The following RYK variants were observed in gnomAD, a reference collection of about 807,000 sequenced individuals.
RYK encodes inactive tyrosine-protein kinase RYK.
RYK carries 21 observed loss-of-function variants against 70.2 expected under a neutral mutation model. The ratio of observed to expected loss-of-function variants is 0.30; its 90% CI spans 0.21 to 0.43. The LOEUF is 0.43. RYK is among the 20% of genes least tolerant of loss of function. The probability of loss-of-function intolerance (pLI) is 1.00; values close to 1 mark genes in which losing one functional copy is unlikely to be tolerated. For synonymous variants in RYK, 267 were observed against 278.0 expected, an observed-to-expected ratio of 0.96 and a Z score of 0.39; for missense variants, 604 against 753.3, an observed-to-expected ratio of 0.80 and a Z score of 2.32.
chr3:134,193,335 C>T (rs1356661833), intron 7 of RYK, among the ~76,000 whole-genome samples: 22 of 152,134 alleles, frequency 1.4e-4, no homozygotes, highest in African/African-American at 3.9e-4. Flanking sequence ...AGGCGCGAGC[C>T]ACCACACCCA....
At chr3:134,172,780 G>C (rs1046833188) in intron 13 of RYK, among the ~76,000 whole-genome samples, 4 of 152,082 alleles carry the variant, frequency 2.6e-5, no homozygotes, top group African/African-American at 9.7e-5. Context: ...TTTATCATCA[G>C]AGCTCTGGAA....
At chr3:134,190,081 G>A (rs1016905976) in intron 8 of RYK, among the ~76,000 whole-genome samples, 2 of 152,192 alleles carry the variant, frequency 1.3e-5, no homozygotes, top group Non-Finnish European at 2.9e-5. Flanking sequence ...TGTATCATCA[G>A]GTTTCACTGT....
rs140565082 is a variant in RYK at position 134,162,045 on chromosome 3, G to A, written c.1576-2672C>T. On this transcript the variant is annotated intron_variant, in intron 13 of 14. Coordinates refer to ENST00000623711, the MANE Select transcript of RYK (RefSeq NM_002958.4). ...GGAAGCCCCTGGTGTGTCTTGGTTT[G>A]CAGCTGCAGCCCTGCAGTCCCTGCC... Among the ~76,000 whole-genome samples, 19 of 152,262 alleles carry A rather than the reference G, an allele frequency of 1.2e-4. 2 individuals carry two copies. In the East Asian group the frequency reaches 3.5e-3, roughly 28 times the overall value.
intron 13 of RYK, among the ~76,000 whole-genome samples, chr3:134,162,319 G>C (rs1205349587): frequency 6.6e-6 from 1 of 151,586 alleles, no homozygotes; most frequent in African/African-American, 2.4e-5. Context: ...GAACACAGAG[G>C]AAGGAATATA....
chr3:134,240,268 C>A (rs2015291015), intron 1 of RYK, among the ~76,000 whole-genome samples: 1 of 151,950 alleles, frequency 6.6e-6, no homozygotes, highest in South Asian at 2.1e-4. Flanking sequence ...AGAGTGAGGG[C>A]AAATGAGTGG....
chr3:134,218,991 A>C (rs1320413995), intron 2 of RYK, among the ~76,000 whole-genome samples: 1 of 152,224 alleles, frequency 6.6e-6, no homozygotes, highest in African/African-American at 2.4e-5. Context: ...CCCTCCAAAA[A>C]AAATCAGGAA....
At chr3:134,175,529 A>G (rs1560003291) in intron 13 of RYK, 80 bp downstream of exon 13, 2 of 1,515,626 alleles carry the variant, frequency 1.3e-6, no homozygotes, top group Non-Finnish European at 1.8e-6. Context: ...TTAAAAACCC[A>G]AAAGATAAAA....
intron 1 of RYK, among the ~76,000 whole-genome samples, chr3:134,231,791 G>A (rs1403967472): frequency 6.6e-6 from 1 of 152,080 alleles, no homozygotes; most frequent in Admixed American, 6.6e-5. Context: ...CCAAAGTTCT[G>A]TTTCTTTACA....
At chr3:134,231,877 C>T (rs1179610411) in intron 1 of RYK, among the ~76,000 whole-genome samples, 1 of 152,096 alleles carries the variant, frequency 6.6e-6, no homozygotes, top group Non-Finnish European at 1.5e-5. Context: ...ATTCTGGGAC[C>T]AGTTTATACA....
At chr3:134,213,942 G>A (rs562558441) in intron 2 of RYK, among the ~76,000 whole-genome samples, 1 of 152,130 alleles carries the variant, frequency 6.6e-6, no homozygotes, top group Non-Finnish European at 1.5e-5. Context: ...TAGCTGGTGG[G>A]ACTACAGGCA....
rs773904788 is a variant in RYK at position 134,222,554 on chromosome 3, G to GA, written c.233-16dup. 12 of 1,553,738 alleles carry GA rather than the reference G, an allele frequency of 7.7e-6. No homozygotes were observed. The highest frequency in any genetic ancestry group is 1.1e-5 in the Non-Finnish European group (12 of 1,141,508). On this transcript the variant is annotated splice_polypyrimidine_tract_variant and intron_variant, in intron 1 of 14. Coordinates refer to ENST00000623711, the MANE Select transcript of RYK (RefSeq NM_002958.4). ...TGCATCAAGACCTAGAAAAAAATAG[G>GA]AAAAAAATAATTAAACACTTAAAAT...
At chr3:134,211,990 T>TA (rs907488262) in intron 2 of RYK, among the ~76,000 whole-genome samples, 1 of 152,178 alleles carries the variant, frequency 6.6e-6, no homozygotes, top group Admixed American at 6.5e-5. Context: ...CTCTGGTTGA[T>TA]AAATGAAAGC....
At chr3:134,232,972 G>A (rs2015100572) in intron 1 of RYK, among the ~76,000 whole-genome samples, 1 of 152,212 alleles carries the variant, frequency 6.6e-6, no homozygotes, top group Admixed American at 6.5e-5. Flanking sequence ...TTTAAAATGA[G>A]CACCTGTACC....
intron 6 of RYK, among the ~76,000 whole-genome samples, chr3:134,197,518 A>G (rs1466763315): frequency 6.6e-6 from 1 of 152,240 alleles, no homozygotes; most frequent in Non-Finnish European, 1.5e-5. Flanking sequence ...AATTTATAGT[A>G]TACTACTATA....
chr3:134,197,062 T>A (rs765392644), intron 6 of RYK, among the ~76,000 whole-genome samples: 2 of 152,170 alleles, frequency 1.3e-5, no homozygotes, highest in Non-Finnish European at 2.9e-5. Flanking sequence ...TGACAAAAAC[T>A]GCAATTACTG....
intron 4 of RYK, among the ~76,000 whole-genome samples, chr3:134,208,103 G>A (rs553847489): frequency 6.6e-6 from 1 of 152,264 alleles, no homozygotes; most frequent in African/African-American, 2.4e-5. Flanking sequence ...AAAAACTTAA[G>A]TCTAAAACAG....
intron 10 of RYK, chr3:134,181,627 C>G (rs150143720): frequency 1.1e-3 from 173 of 152,186 alleles, no homozygotes; most frequent in African/African-American, 4.0e-3. Flanking sequence ...TATACAGAAA[C>G]TATATTTTTT....
intron 13 of RYK, among the ~76,000 whole-genome samples, chr3:134,174,197 C>T (rs2013020827): frequency 6.6e-6 from 1 of 152,180 alleles, no homozygotes; most frequent in African/African-American, 2.4e-5. Context: ...TGCTTCTCCA[C>T]TAGAGCCTCT....
chr3:134,202,937 T>A, intron 5 of RYK, 63 bp from the exon 6 acceptor site: 1 of 1,335,688 alleles, frequency 7.5e-7, no homozygotes. Context: ...TGTGACCCAA[T>A]ATACATAAAT....
Sources: allele counts gnomAD v4.1 joint callset (sites outside exome capture counted in the v4.1 genomes callset), GRCh38; gene constraint gnomAD v4.1.1; transcripts MANE v1.5; gene names NCBI Gene and HGNC (gene_info 2026-07-23, HGNC 2026-07-21).